Variants in HABP2 observed in about 807,000 individuals in gnomAD.
HABP2 encodes hyaluronan binding protein 2, also known as factor VII-activating protease.
In HABP2, 65 loss-of-function variants were observed where a neutral mutation model predicts 66.5. The ratio of observed to expected loss-of-function variants is 0.98; its 90% CI spans 0.80 to 1.20. HABP2 has a LOEUF of 1.20. Among genes scored for constraint, HABP2 ranks in the 50% most tolerant of loss-of-function variants. HABP2 has a pLI of 0.00. For synonymous variants in HABP2, 263 were observed against 253.9 expected (o/e 1.04, Z -0.34); for missense variants, 786 against 691.0 (o/e 1.14, Z -1.54).
At chr10:113,561,573 A>G (rs1237738425) in intron 1 of HABP2, among the ~76,000 whole-genome samples, 2 of 152,152 alleles carry the variant, frequency 1.3e-5, no homozygotes, top group African/African-American at 4.8e-5. Flanking sequence ...AGGGTAGAAC[A>G]TGCAAGGAAG....
At chr10:113,583,722 G>A (rs1845583658) in intron 10 of HABP2, among the ~76,000 whole-genome samples, 3 of 152,142 alleles carry the variant, frequency 2.0e-5, no homozygotes, top group Admixed American at 2.0e-4. Context: ...CTATGTGTCA[G>A]GAGACACAAT....
At chr10:113,562,857 C>G (rs1027785001) in intron 1 of HABP2, among the ~76,000 whole-genome samples, 1 of 152,216 alleles carries the variant, frequency 6.6e-6, no homozygotes, top group African/African-American at 2.4e-5. Context: ...CTCCTCCATC[C>G]TTGCTTTATT....
At chr10:113,575,653 G>T (rs986876819) in intron 3 of HABP2, among the ~76,000 whole-genome samples, 6 of 152,152 alleles carry the variant, frequency 3.9e-5, no homozygotes, top group Admixed American at 2.6e-4. Flanking sequence ...CCAGGCCGAG[G>T]GGAGACAGTC....
chr10:113,584,038 T>G (rs1845589652), intron 10 of HABP2, 110 bp from the exon 11 acceptor site: 4 of 803,364 alleles, frequency 5.0e-6, no homozygotes, highest in Non-Finnish European at 6.2e-6. Context: ...TCAGGCATGG[T>G]GGGGGCAGGT....
At position 113,588,292 on chromosome 10, in the gene HABP2, A is replaced by C; in HGVS notation, c.1606A>C (p.Arg536=). 1.2e-6 allele frequency: 2 copies of C among 1,613,712 alleles called. No homozygotes were observed. Among genetic ancestry groups the C allele is most frequent in the Non-Finnish European group, 1.7e-6 (2 of 1,179,722 alleles). Residue 536 remains arginine (R), a synonymous_variant, in exon 13 of 13, where the codon AGG becomes CGG. Transcript: ENST00000351270. ...GAGCTGGGGCCTGGAGTGTGGGAAG[A>C]GGCCAGGGGTCTACACCCAAGTTAC... is the stretch of plus-strand genomic sequence containing the variant. ...IVSWGLECGK[R]PGVYTQVTKF...
chr10:113,562,395 G>A (rs1289619201), intron 1 of HABP2, among the ~76,000 whole-genome samples: 3 of 150,460 alleles, frequency 2.0e-5, no homozygotes, highest in African/African-American at 7.3e-5. Flanking sequence ...CTGGGGCCAA[G>A]TAGGCCCTCT....
At chr10:113,586,591 G>A (rs1485622725) in intron 12 of HABP2, among the ~76,000 whole-genome samples, 2 of 151,896 alleles carry the variant, frequency 1.3e-5, no homozygotes, top group Non-Finnish European at 2.9e-5. Context: ...AGAGAGAGAA[G>A]GTGGTGGCTC....
Position 113,583,132 on chromosome 10 carries a change from G to A in HABP2, c.1095-84G>A, listed in dbSNP as rs1304675782. The A allele has an allele frequency of 5.2e-6, 6 of 1,163,142 alleles. No homozygotes were observed. The Admixed American group carries it at 1.0e-4, about 19-fold the overall frequency. 72.1% of individuals were successfully genotyped at this position (1,163,142 alleles called of 1,614,324 possible). ...GACGAGGGTTACAAATGAGGAGGCT[G>A]AGTCTGCAGAAGGTCAGATTTGCCA... On this transcript the variant is annotated intron_variant, in intron 9 of 12. Coordinates refer to ENST00000351270, the MANE Select transcript of HABP2 (RefSeq NM_004132.5).
intron 12 of HABP2, among the ~76,000 whole-genome samples, chr10:113,587,108 A>G (rs1845653647): frequency 6.6e-6 from 1 of 152,240 alleles, no homozygotes; most frequent in African/African-American, 2.4e-5. Context: ...TGAGGTCAGG[A>G]GTTCAAGATC....
chr10:113,586,523 G>T (rs1037949193), intron 12 of HABP2, among the ~76,000 whole-genome samples: 1 of 149,378 alleles, frequency 6.7e-6, no homozygotes, highest in African/African-American at 2.5e-5. Context: ...TATATCTGTA[G>T]CCTAGGGCCT....
In HABP2 at chr10:113,577,135, A is replaced by C. The variant is rs1303416834; in HGVS notation, c.332-15A>C. On this transcript the variant is annotated splice_polypyrimidine_tract_variant and intron_variant, in intron 4 of 12. Coordinates refer to ENST00000351270, the MANE Select transcript of HABP2 (RefSeq NM_004132.5). ...TGTGCCCCAAATAATGTCTTATGTTATGGATCTCCTACAGTGCAAAATACG... is the reference window on the plus strand; with the variant it reads ...TGTGCCCCAAATAATGTCTTATGTTCTGGATCTCCTACAGTGCAAAATACG... 4 of 1,404,418 alleles carry C rather than the reference A, an allele frequency of 2.8e-6. No individual in the cohort carries two copies. The highest frequency in any genetic ancestry group is 3.0e-6 in the Non-Finnish European group (3 of 989,018). 87.0% of individuals were successfully genotyped at this position (1,404,418 alleles called of 1,614,324 possible).
intron 2 of HABP2, among the ~76,000 whole-genome samples, chr10:113,571,464 G>A (rs1845310083): frequency 6.6e-6 from 1 of 152,100 alleles, no homozygotes; most frequent in East Asian, 1.9e-4. Context: ...CCCAGGCTCT[G>A]AGCTGGCACA....
intron 2 of HABP2, among the ~76,000 whole-genome samples, chr10:113,571,154 G>T (rs191222429): frequency 5.3e-5 from 8 of 152,272 alleles, no homozygotes; most frequent in African/African-American, 1.9e-4. Flanking sequence ...CAATTCTTTG[G>T]GTTGACAATT....
At position 113,589,195 on chromosome 10, in the gene HABP2, C is replaced by G; in HGVS notation, c.*826C>G. ...GGGAGCATTTAACAGGCTCACCCTC[C>G]CTTTCCTTTTCCCCTCTTCTACCCT... On this transcript the variant is annotated 3_prime_UTR_variant, in exon 13 of 13. Transcript: ENST00000351270. 1.3e-6 allele frequency: 1 copy of G among 779,452 alleles called. No individual in the cohort carries two copies. Among genetic ancestry groups the G allele is most frequent in the Non-Finnish European group, 2.0e-6 (1 of 488,118 alleles). The allele number at this position is 779,452 out of a possible 1,614,324, so 48.3% of individuals were successfully genotyped here. A position where few individuals can be genotyped will look rare whatever the true frequency, so the allele number is the denominator to read the frequency against.
At chr10:113,575,845 G>A (rs569671419) in intron 3 of HABP2, 52 bp from the exon 4 acceptor site, 37 of 992,632 alleles carry the variant, frequency 3.7e-5, no homozygotes, top group Non-Finnish European at 5.1e-5. Flanking sequence ...GGAGGGGGGC[G>A]CTTCTCACCT....
intron 10 of HABP2, among the ~76,000 whole-genome samples, chr10:113,583,916 A>T (rs1845588162): frequency 6.6e-6 from 1 of 152,156 alleles, no homozygotes; most frequent in South Asian, 2.1e-4. Flanking sequence ...TAAAAAATGG[A>T]TTAGAAATGA....
chr10:113,569,251 T>C (rs1845257975), intron 2 of HABP2, among the ~76,000 whole-genome samples: 1 of 152,202 alleles, frequency 6.6e-6, no homozygotes, highest in African/African-American at 2.4e-5. Flanking sequence ...GTTTGGTATA[T>C]AAATGAAGGG....
chr10:113,553,767 A>G (rs1055817894), intron 1 of HABP2, among the ~76,000 whole-genome samples: 2 of 152,204 alleles, frequency 1.3e-5, no homozygotes, highest in African/African-American at 2.4e-5. Context: ...GAAGGTGAGC[A>G]GGGGCCCAAG....
chr10:113,575,638 C>A (rs1386542057), intron 3 of HABP2, among the ~76,000 whole-genome samples: 1 of 152,160 alleles, frequency 6.6e-6, no homozygotes, highest in Non-Finnish European at 1.5e-5. Context: ...AGGCCCCGTC[C>A]AAAGCCAGGC....
Sources: gnomAD v4.1 joint callset for allele counts (sites outside exome capture counted in the v4.1 genomes callset) on GRCh38, gnomAD v4.1.1 for gene constraint, MANE v1.5 for transcripts, NCBI Gene and HGNC (gene_info 2026-07-23, HGNC 2026-07-21) for gene names.